The following RANBP2 variants were observed in gnomAD, a reference collection of about 807,000 sequenced individuals.
RANBP2 encodes the protein RAN binding protein 2.
In RANBP2, 57 loss-of-function variants were observed where a neutral mutation model predicts 303.6. The ratio of observed to expected loss-of-function variants is 0.19; its 90% CI spans 0.15 to 0.23. The LOEUF (loss-of-function observed/expected upper bound fraction) is 0.23. Ranked by LOEUF, RANBP2 falls within the 10% of genes least tolerant of loss-of-function variation. The pLI, the probability that RANBP2 is intolerant of heterozygous loss-of-function variation, is 1.00. For synonymous variants in RANBP2, 1,167 were observed against 1,301.5 expected (o/e 0.90, Z 2.23); for missense variants, 3,138 against 3,780.8 (o/e 0.83, Z 4.46).
chr2:109,401,652 G>A, the RANBP2 span, among the ~76,000 whole-genome samples: 1 of 152,218 alleles, frequency 6.6e-6, no homozygotes. Context: ...AAGAGGGCCA[G>A]GGGCATCTTC....
At chr2:108,762,683 G>GATA (rs567221320) in intron 19 of RANBP2, among the ~76,000 whole-genome samples, 1,550 of 142,910 alleles carry the variant, frequency 0.011, 33 homozygotes, top group African/African-American at 0.04. Context: ...GTAAAATGAG[G>GATA]ATAATAATAA....
the RANBP2 span, among the ~76,000 whole-genome samples, chr2:108,821,264 A>T: frequency 6.6e-6 from 1 of 152,222 alleles, no homozygotes; most frequent in East Asian, 1.9e-4. Flanking sequence ...AGGCCGAGGC[A>T]GGAGAATTTC....
At chr2:109,545,883 C>T in the RANBP2 span, 1 of 1,446,042 alleles carries the variant, frequency 6.9e-7, no homozygotes, top group Non-Finnish European at 9.1e-7. Context: ...GCTGGGGAAA[C>T]AGCAGTGAAC....
At chr2:109,087,267 T>C in the RANBP2 span, among the ~76,000 whole-genome samples, 1 of 152,216 alleles carries the variant, frequency 6.6e-6, no homozygotes, top group African/African-American at 2.4e-5. Context: ...GCAGACACTT[T>C]GGATGACTCT....
chr2:109,510,654 C>T, the RANBP2 span, among the ~76,000 whole-genome samples: 2 of 152,216 alleles, frequency 1.3e-5, no homozygotes, highest in East Asian at 1.9e-4. Flanking sequence ...ACCCACAGCC[C>T]CTTCCCAACA....
At chr2:109,325,346 T>C in the RANBP2 span, among the ~76,000 whole-genome samples, 4 of 137,446 alleles carry the variant, frequency 2.9e-5, no homozygotes, top group African/African-American at 8.2e-5. Flanking sequence ...TTTTTTTTTT[T>C]TTTTTTTTTT....
the RANBP2 span, among the ~76,000 whole-genome samples, chr2:109,355,616 C>T: frequency 1.3e-5 from 2 of 152,180 alleles, no homozygotes; most frequent in Admixed American, 1.3e-4. Context: ...AGGTGTTGTC[C>T]CTGTATGCTC....
At chr2:109,615,882 A>G in the RANBP2 span, 12 of 1,613,400 alleles carry the variant, frequency 7.4e-6, no homozygotes, top group African/African-American at 1.3e-5. Flanking sequence ...GGGCAGCTCT[A>G]GTGGACGTAT....
chr2:109,691,327 G>C, the RANBP2 span, among the ~76,000 whole-genome samples: 1 of 152,294 alleles, frequency 6.6e-6, no homozygotes, highest in South Asian at 2.1e-4. Context: ...TAAACGTGGG[G>C]ACATGCGGAC....
chr2:109,255,740 A>G, the RANBP2 span, among the ~76,000 whole-genome samples: 1 of 152,250 alleles, frequency 6.6e-6, no homozygotes, highest in Admixed American at 6.5e-5. Flanking sequence ...AGCTACTTCT[A>G]GGGCCAGAAT....
the RANBP2 span, among the ~76,000 whole-genome samples, chr2:109,430,123 G>A: frequency 9.2e-5 from 14 of 152,328 alleles, no homozygotes; most frequent in Admixed American, 7.2e-4. Flanking sequence ...CACTCCAGAG[G>A]AAAGGCAGCC....
chr2:108,853,355 A>G, the RANBP2 span, among the ~76,000 whole-genome samples: 1 of 152,166 alleles, frequency 6.6e-6, no homozygotes, highest in Non-Finnish European at 1.5e-5. Context: ...TAACCATATC[A>G]TGAGCATAGT....
At chr2:109,702,547 C>A in the RANBP2 span, among the ~76,000 whole-genome samples, 1 of 152,202 alleles carries the variant, frequency 6.6e-6, no homozygotes, top group Non-Finnish European at 1.5e-5. Flanking sequence ...CTGGGCACCA[C>A]CCTGTCTACC....
the RANBP2 span, among the ~76,000 whole-genome samples, chr2:109,590,078 ATATGTATATATATACACACATATATATG>A: frequency 4.7e-4 from 69 of 147,652 alleles, no homozygotes; most frequent in African/African-American, 1.4e-3. Flanking sequence ...ACACACATAT[ATATGTATATATATACACACATATATATG>A]TATGTATATA....
chr2:109,778,254 G>A, the RANBP2 span, among the ~76,000 whole-genome samples: 1 of 134,042 alleles, frequency 7.5e-6, no homozygotes, highest in African/African-American at 2.9e-5. Flanking sequence ...TCCACTGTGG[G>A]GTAGGTTTTT....
the RANBP2 span, among the ~76,000 whole-genome samples, chr2:108,972,337 C>T: frequency 6.6e-6 from 1 of 152,256 alleles, no homozygotes; most frequent in Non-Finnish European, 1.5e-5. Context: ...TGAACACAGA[C>T]AATGATGACC....
Position 108,783,787 on chromosome 2 carries a change from A to G in RANBP2, c.9561A>G (p.Val3187=). 6.2e-7 allele frequency: 1 copy of G among 1,611,766 alleles called. No individual in the cohort carries two copies. The highest frequency in any genetic ancestry group is 8.5e-7 in the Non-Finnish European group (1 of 1,177,872). ...KKAEHLDFKH[V]VFGFVKDGMD... The stretch of plus-strand genomic sequence containing the variant: ...CAGAACATTTGGACTTTAAGCATGT[A>G]GTATTTGGGTTTGTTAAGGATGGCA... Residue 3187 remains valine, a synonymous_variant, in exon 29 of 29, where the codon GTA becomes GTG. Transcript: ENST00000283195.
chr2:109,450,818 C>T, the RANBP2 span, among the ~76,000 whole-genome samples: 8 of 152,334 alleles, frequency 5.3e-5, no homozygotes, highest in South Asian at 2.1e-4. Flanking sequence ...GCTGCCTGAA[C>T]GGTTTAGGGA....
chr2:109,356,594 A>G, the RANBP2 span, among the ~76,000 whole-genome samples: 1 of 152,202 alleles, frequency 6.6e-6, no homozygotes. Flanking sequence ...TTCCTCAGCC[A>G]AAGGCCCATC....
Sources: gnomAD v4.1 joint callset for allele counts (sites outside exome capture counted in the v4.1 genomes callset) on GRCh38, gnomAD v4.1.1 for gene constraint, MANE v1.5 for transcripts, NCBI Gene and HGNC (gene_info 2026-07-23, HGNC 2026-07-21) for gene names.